NCOR1: variants seen among roughly 807,000 people sequenced by gnomAD.
The protein encoded by NCOR1 is protein phosphatase 1, regulatory subunit 109.
In NCOR1, 63 loss-of-function variants were observed where a neutral mutation model predicts 288.1. The observed-to-expected ratio is 0.22, with a 90% CI of 0.18 to 0.27. The LOEUF (loss-of-function observed/expected upper bound fraction) is 0.27. Among genes scored for constraint, NCOR1 ranks in the 10% least tolerant of loss-of-function variants. The probability of loss-of-function intolerance (pLI) is 1.00; values close to 1 mark genes in which losing one functional copy is unlikely to be tolerated. For synonymous variants in NCOR1, 1,007 were observed against 1,065.9 expected, an observed-to-expected ratio of 0.94 and a Z score of 1.08; for missense variants, 2,397 against 3,019.2, an observed-to-expected ratio of 0.79 and a Z score of 4.83.
Position 16,205,145 on chromosome 17 carries a change from A to C in NCOR1, c.-71+10217T>G, listed in dbSNP as rs564053731. On this transcript the variant is annotated intron_variant, in intron 1 of 45. Transcript: ENST00000268712. ...TAAGGCAGGAGAATCACTTGAACCC[A>C]GGAGGCAGAGATTGAGGTGAGCTGA... Among the ~76,000 whole-genome samples, 3 of 151,944 alleles carry C rather than the reference A, an allele frequency of 2.0e-5. No individual in the cohort carries two copies. In the South Asian group the frequency reaches 6.2e-4, roughly 31 times the overall value.
chr17:16,095,553 C>A, intron 21 of NCOR1, among the ~76,000 whole-genome samples: 1 of 132,562 alleles, frequency 7.5e-6, no homozygotes, highest in Non-Finnish European at 1.6e-5. Flanking sequence ...GGTCAGCCCC[C>A]CGCCCGGCCA....
chr17:16,143,313 C>T (rs923771538), intron 11 of NCOR1, among the ~76,000 whole-genome samples: 5 of 152,172 alleles, frequency 3.3e-5, no homozygotes, highest in Admixed American at 1.3e-4. Context: ...CTATTACACT[C>T]GCCTATACAT....
chr17:16,058,173 C>G, intron 38 of NCOR1, 109 bp from the exon 39 acceptor site: 1 of 1,233,610 alleles, frequency 8.1e-7, no homozygotes, highest in Non-Finnish European at 1.1e-6. Flanking sequence ...TGGTACATAG[C>G]TCCAAACAAA....
At chr17:16,075,826 C>T (rs1385908590) in intron 26 of NCOR1, 124 bp from the exon 27 acceptor site, 4 of 1,020,034 alleles carry the variant, frequency 3.9e-6, no homozygotes, top group Non-Finnish European at 5.6e-6. Flanking sequence ...AGAAAGCACA[C>T]ATACATGAAA....
intron 35 of NCOR1, among the ~76,000 whole-genome samples, chr17:16,063,345 A>G (rs2060743689): frequency 6.6e-6 from 1 of 151,752 alleles, no homozygotes. Flanking sequence ...GCTGCTGGCT[A>G]ATTTTTTATA....
intron 1 of NCOR1, among the ~76,000 whole-genome samples, chr17:16,202,296 G>C (rs1161744683): frequency 6.6e-6 from 1 of 150,534 alleles, no homozygotes; most frequent in African/African-American, 2.4e-5. Context: ...AGCTACTCAG[G>C]AGGCTGAGAC....
chr17:16,111,730 C>A (rs867460438), intron 18 of NCOR1, among the ~76,000 whole-genome samples: 20 of 152,252 alleles, frequency 1.3e-4, no homozygotes, highest in African/African-American at 4.1e-4. Flanking sequence ...CCATTAGACA[C>A]TGGACTCACC....
At chr17:16,180,644 A>T (rs1022898286) in intron 3 of NCOR1, among the ~76,000 whole-genome samples, 1 of 152,056 alleles carries the variant, frequency 6.6e-6, no homozygotes, top group Non-Finnish European at 1.5e-5. Flanking sequence ...GCTACCCGGG[A>T]GGCTGCAGTG....
intron 31 of NCOR1, among the ~76,000 whole-genome samples, chr17:16,069,370 G>A (rs973681093): frequency 3.9e-5 from 6 of 152,026 alleles, no homozygotes; most frequent in African/African-American, 1.2e-4. Flanking sequence ...TCTGTGCTAC[G>A]CCCCTCACAC....
intron 45 of NCOR1, 75 bp from the exon 46 acceptor site, chr17:16,032,558 G>A: frequency 7.3e-7 from 1 of 1,365,448 alleles, no homozygotes; most frequent in Non-Finnish European, 9.9e-7. Flanking sequence ...TTTGTAGGAT[G>A]GAGTAGAATA....
At chr17:16,114,773 C>T (rs1379822502) in intron 18 of NCOR1, among the ~76,000 whole-genome samples, 1 of 152,238 alleles carries the variant, frequency 6.6e-6, no homozygotes, top group Non-Finnish European at 1.5e-5. Context: ...AATCCTGTGG[C>T]TTTGCAGGGA....
chr17:16,076,445 G>A (rs2152777078), intron 26 of NCOR1, among the ~76,000 whole-genome samples: 1 of 152,306 alleles, frequency 6.6e-6, no homozygotes, highest in South Asian at 2.1e-4. Flanking sequence ...GCCATCGGAA[G>A]TTGACAACAA....
At chr17:16,120,895 CA>C (rs922653106) in intron 16 of NCOR1, among the ~76,000 whole-genome samples, 156 bp downstream of exon 16, 1 of 152,004 alleles carries the variant, frequency 6.6e-6, no homozygotes, top group Admixed American at 6.6e-5. Flanking sequence ...TGTTCTTTTT[CA>C]AAAAACTTTG....
intron 10 of NCOR1, among the ~76,000 whole-genome samples, chr17:16,145,355 C>A (rs919798464): frequency 6.6e-6 from 1 of 150,952 alleles, no homozygotes; most frequent in East Asian, 1.9e-4. Flanking sequence ...TCTGCCTGGA[C>A]GCCCATCGTC....
intron 35 of NCOR1, 122 bp from the exon 36 acceptor site, chr17:16,062,392 A>C: frequency 9.9e-7 from 1 of 1,009,346 alleles, no homozygotes; most frequent in Non-Finnish European, 1.3e-6. Context: ...AAAACAAGAT[A>C]AGAAACTTGA....
chr17:16,035,318 CTTCT>C (rs1360157286), intron 44 of NCOR1, among the ~76,000 whole-genome samples: 1 of 152,088 alleles, frequency 6.6e-6, no homozygotes, highest in Non-Finnish European at 1.5e-5. Flanking sequence ...CCCTCAAACC[CTTCT>C]TTATTAACTG....
At chr17:16,090,743 CATA>C (rs1028247140) in intron 22 of NCOR1, among the ~76,000 whole-genome samples, 1 of 152,152 alleles carries the variant, frequency 6.6e-6, no homozygotes, top group African/African-American at 2.4e-5. Flanking sequence ...AAAACTCTAA[CATA>C]AGAGGTTCAG....
intron 23 of NCOR1, among the ~76,000 whole-genome samples, chr17:16,081,145 C>A (rs1567891335): frequency 6.6e-6 from 1 of 151,294 alleles, no homozygotes; most frequent in Non-Finnish European, 1.5e-5. Context: ...AACAAGAAAA[C>A]CTGGAAAAAT....
chr17:16,186,473 A>G, intron 3 of NCOR1, 81 bp downstream of exon 3: 2 of 1,453,668 alleles, frequency 1.4e-6, no homozygotes, highest in Admixed American at 4.6e-5. Context: ...GGTTAATAAA[A>G]AGTAAAAAAA....
Sources: allele counts gnomAD v4.1 joint callset (sites outside exome capture counted in the v4.1 genomes callset), GRCh38; gene constraint gnomAD v4.1.1; transcripts MANE v1.5; gene names NCBI Gene and HGNC (gene_info 2026-07-23, HGNC 2026-07-21).